UGT8: variants seen among roughly 807,000 people sequenced by gnomAD.
UGT8 encodes the protein UDP glycosyltransferase 8, also known as 2-hydroxyacylsphingosine 1-beta-galactosyltransferase.
UGT8 carries 12 observed loss-of-function variants against 40.5 expected under a neutral mutation model. That is an observed-to-expected ratio of 0.30 (90% CI 0.19 to 0.48). The LOEUF is 0.48. Ranked by LOEUF, UGT8 falls within the 20% of genes least tolerant of loss-of-function variation. The probability of loss-of-function intolerance (pLI) is 0.99; values close to 1 mark genes in which losing one functional copy is unlikely to be tolerated. For synonymous variants in UGT8, 224 were observed against 240.4 expected (o/e 0.93, Z 0.63); for missense variants, 513 against 648.7 (o/e 0.79, Z 2.27).
chr4:114,647,441 C>T (rs1733643022), intron 2 of UGT8, among the ~76,000 whole-genome samples: 1 of 151,612 alleles, frequency 6.6e-6, no homozygotes, highest in Non-Finnish European at 1.5e-5. Context: ...TCTCAGCTCA[C>T]TGCAGCCTCA....
At chr4:114,673,294 A>G (rs558281405) in intron 5 of UGT8, among the ~76,000 whole-genome samples, 93 of 152,296 alleles carry the variant, frequency 6.1e-4, no homozygotes, top group Non-Finnish European at 1.1e-3. Flanking sequence ...CAGCATGGAA[A>G]ATACCTGCCC....
intron 2 of UGT8, among the ~76,000 whole-genome samples, chr4:114,652,228 A>G (rs1297683125): frequency 2.0e-5 from 3 of 152,056 alleles, no homozygotes; most frequent in Admixed American, 6.6e-5. Context: ...AGTACTTCTA[A>G]CAAAGGAAAT....
intron 1 of UGT8, among the ~76,000 whole-genome samples, chr4:114,620,151 T>C (rs1731694998): frequency 6.6e-6 from 1 of 152,108 alleles, no homozygotes; most frequent in Admixed American, 6.6e-5. Context: ...TTCTCTATGA[T>C]CATTTTTGTT....
chr4:114,625,962 G>A (rs1462111418), intron 2 of UGT8, among the ~76,000 whole-genome samples: 3 of 152,098 alleles, frequency 2.0e-5, no homozygotes, highest in Non-Finnish European at 4.4e-5. Flanking sequence ...TTTGCTTTGT[G>A]CCAGTTAGTT....
In UGT8 at chr4:114,676,639, G is replaced by A. The variant is rs955521832; in HGVS notation, c.*351G>A. On this transcript the variant is annotated 3_prime_UTR_variant, in exon 6 of 6. Coordinates refer to ENST00000310836, the MANE Select transcript of UGT8 (RefSeq NM_001128174.3). ...ATTTTTCTTAATAATGTGTGTGTGT[G>A]TATGTGTGTGTGTGTGTGTGTGTGT... 4.9e-6 allele frequency: 1 copy of A among 203,664 alleles called. No individual in the cohort carries two copies. The highest frequency in any genetic ancestry group is 9.7e-5 in the South Asian group (1 of 10,346). The allele number at this position is 203,664 out of a possible 1,614,324, so 12.6% of individuals were successfully genotyped here. A position where few individuals can be genotyped will look rare whatever the true frequency, so the allele number is the denominator to read the frequency against.
At chr4:114,641,001 C>T (rs759299673) in intron 2 of UGT8, among the ~76,000 whole-genome samples, 60 of 152,192 alleles carry the variant, frequency 3.9e-4, no homozygotes, top group Non-Finnish European at 7.4e-4. Context: ...GCATTTTAGT[C>T]ATTGTTATCG....
At chr4:114,661,877 A>G (rs1053949656) in intron 2 of UGT8, among the ~76,000 whole-genome samples, 2 of 152,182 alleles carry the variant, frequency 1.3e-5, no homozygotes, top group African/African-American at 4.8e-5. Flanking sequence ...AGTAAAGGCT[A>G]TATATGGTGC....
chr4:114,665,491 A>G lies in UGT8; in HGVS notation c.966-189A>G, dbSNP rs536456286. 3.1e-6 allele frequency: 3 copies of G among 981,596 alleles called. No individual in the cohort carries two copies. In the East Asian group the frequency reaches 3.4e-4, roughly 112 times the overall value. The allele number at this position is 981,596 out of a possible 1,614,324, so 60.8% of individuals were successfully genotyped here. A position where few individuals can be genotyped will look rare whatever the true frequency, so the allele number is the denominator to read the frequency against. On this transcript the variant is annotated intron_variant, in intron 3 of 5. Coordinates refer to ENST00000310836, the MANE Select transcript of UGT8 (RefSeq NM_001128174.3). ...CAAATTATTTCTTGTTTTTCCTCCA[A>G]CCAGTGAAAGTTTTTATTAAAAAGA... is the stretch of plus-strand genomic sequence containing the variant.
intron 2 of UGT8, among the ~76,000 whole-genome samples, chr4:114,626,465 C>T (rs367989161): frequency 1.3e-5 from 2 of 152,330 alleles, no homozygotes; most frequent in East Asian, 1.9e-4. Context: ...CTGAATTTCA[C>T]AACCTGGGAT....
intron 1 of UGT8, among the ~76,000 whole-genome samples, chr4:114,607,220 C>T (rs1730788054): frequency 6.6e-6 from 1 of 152,164 alleles, no homozygotes; most frequent in Non-Finnish European, 1.5e-5. Flanking sequence ...GTCAAAATGA[C>T]AATCCAGTCT....
intron 5 of UGT8, among the ~76,000 whole-genome samples, chr4:114,672,829 T>C (rs1043425593): frequency 6.6e-6 from 1 of 152,214 alleles, no homozygotes; most frequent in Non-Finnish European, 1.5e-5. Flanking sequence ...AAAGTATTCC[T>C]TTTATTAATC....
intron 4 of UGT8, 152 bp from the exon 5 acceptor site, chr4:114,667,933 G>A (rs1045057299): frequency 7.0e-7 from 1 of 1,418,754 alleles, no homozygotes; most frequent in Non-Finnish European, 9.2e-7. Flanking sequence ...ATTTTAATTG[G>A]TGTAGAGCAG....
intron 2 of UGT8, among the ~76,000 whole-genome samples, chr4:114,629,999 T>C (rs1732472978): frequency 6.6e-6 from 1 of 152,218 alleles, no homozygotes; most frequent in Non-Finnish European, 1.5e-5. Flanking sequence ...ATTAAATTAC[T>C]GTTGACACCA....
intron 1 of UGT8, among the ~76,000 whole-genome samples, chr4:114,619,707 A>G (rs758401457): frequency 1.6e-4 from 25 of 151,852 alleles, no homozygotes; most frequent in Non-Finnish European, 2.8e-4. Flanking sequence ...TATTTAACCA[A>G]TCCCCAGTTG....
chr4:114,607,709 C>T (rs1340842679), intron 1 of UGT8, among the ~76,000 whole-genome samples: 1 of 152,170 alleles, frequency 6.6e-6, no homozygotes, highest in African/African-American at 2.4e-5. Flanking sequence ...TCTTCGAAGA[C>T]AGATTTTGGT....
chr4:114,663,081 C>G (rs918596652), intron 2 of UGT8, among the ~76,000 whole-genome samples: 9 of 151,972 alleles, frequency 5.9e-5, no homozygotes, highest in Non-Finnish European at 1.2e-4. Flanking sequence ...CCTTGGCCTC[C>G]CAAAGTGCTG....
At chr4:114,616,492 TTC>T (rs1731443018) in intron 1 of UGT8, among the ~76,000 whole-genome samples, 1 of 152,140 alleles carries the variant, frequency 6.6e-6, no homozygotes, top group Non-Finnish European at 1.5e-5. Context: ...TCCAGGTGCC[TTC>T]TGTCACCCCT....
chr4:114,604,654 A>G lies in UGT8; in HGVS notation c.-3+5680A>G, dbSNP rs891585597. Among the ~76,000 whole-genome samples the G allele has an allele frequency of 2.6e-5, 4 of 152,138 alleles. No homozygotes were observed. The East Asian group carries it at 7.7e-4, about 29-fold the overall frequency. ...CTGCATAATTTGAGAAAATGTTTAC[A>G]TCTATGCAGTGGTTTGGAAGTCAAC... On this transcript the variant is annotated intron_variant, in intron 1 of 5. Coordinates refer to ENST00000310836, the MANE Select transcript of UGT8 (RefSeq NM_001128174.3).
At position 114,664,074 on chromosome 4, in the gene UGT8, C is replaced by T. The variant is rs756236247; in HGVS notation, c.902C>T (p.Ser301Leu). The change falls in exon 3 of 6, where the codon TCA becomes TTA. Residue 301 changes from serine to leucine, a missense_variant. Physicochemically the swap from Ser to Leu is moderately radical, Grantham distance 145. Around this residue, in one of 3 missense-constraint regions of UGT8, gnomAD observed 335 missense variants for 444.8 expected, o/e 0.75. Coordinates refer to ENST00000310836, the MANE Select transcript of UGT8 (RefSeq NM_001128174.3). ...VSFGAGVKYLSEDIANKLAGA... is the reference protein window; with the variant it reads ...VSFGAGVKYLLEDIANKLAGA... ...TTTGGAGCTGGTGTCAAGTATCTGTCAGAAGACATTGCTAACAAACTGGCA... is the reference window on the plus strand; with the variant it reads ...TTTGGAGCTGGTGTCAAGTATCTGTTAGAAGACATTGCTAACAAACTGGCA... 4 of 1,613,984 alleles carry T rather than the reference C, an allele frequency of 2.5e-6. No individual in the cohort carries two copies. In the South Asian group the frequency reaches 4.4e-5, roughly 18 times the overall value.
Sources: gnomAD v4.1 joint callset for allele counts (sites outside exome capture counted in the v4.1 genomes callset) on GRCh38, gnomAD v4.1.1 for gene constraint, gnomAD v4.1.1 regional missense constraint, MANE v1.5 for transcripts, NCBI Gene and HGNC (gene_info 2026-07-23, HGNC 2026-07-21) for gene names.